GLIS3: variants seen among roughly 807,000 people sequenced by gnomAD.
GLIS3 encodes GLIS family zinc finger 3.
A neutral mutation model predicts 78.6 loss-of-function variants in GLIS3; 53 were observed. The observed-to-expected ratio is 0.67, with a 90% CI of 0.54 to 0.85. GLIS3 has a LOEUF of 0.85. Ranked by LOEUF, GLIS3 falls within the 40% of genes least tolerant of loss-of-function variation. GLIS3 has a pLI of 0.00. For synonymous variants in GLIS3, 684 were observed against 509.9 expected (o/e 1.34, Z -4.60); for missense variants, 1,703 against 1,231.1 (o/e 1.38, Z -5.74).
At chr9:4,456,660 C>A in the GLIS3 span, among the ~76,000 whole-genome samples, 1 of 152,160 alleles carries the variant, frequency 6.6e-6, no homozygotes, top group South Asian at 2.1e-4. Flanking sequence ...TCTTTTCCAG[C>A]TTTTAATTTA....
chr9:4,054,729 T>A (rs1297614840), intron 4 of GLIS3, among the ~76,000 whole-genome samples: 3 of 152,290 alleles, frequency 2.0e-5, no homozygotes, highest in Admixed American at 6.5e-5. Flanking sequence ...ACATTTTGAA[T>A]CCAGAGTGGA....
At chr9:4,378,697 T>A in the GLIS3 span, among the ~76,000 whole-genome samples, 1 of 152,270 alleles carries the variant, frequency 6.6e-6, no homozygotes, top group East Asian at 1.9e-4. Flanking sequence ...GAGAAGGAAA[T>A]CCTAAATCCA....
intron 2 of GLIS3, among the ~76,000 whole-genome samples, chr9:4,329,573 C>CT (rs1817653242): frequency 6.6e-6 from 1 of 152,128 alleles, no homozygotes; most frequent in Non-Finnish European, 1.5e-5. Flanking sequence ...TAAGAATGTG[C>CT]TACACACTGT....
chr9:4,275,678 A>T (rs1826918988), intron 2 of GLIS3, among the ~76,000 whole-genome samples: 1 of 151,962 alleles, frequency 6.6e-6, no homozygotes, highest in South Asian at 2.1e-4. Context: ...TGGGAGGATC[A>T]CTTGAGCCCA....
At chr9:4,033,858 G>A (rs139342211) in intron 4 of GLIS3, among the ~76,000 whole-genome samples, 170 of 57,448 alleles carry the variant, frequency 3.0e-3, no homozygotes, top group African/African-American at 0.011. Context: ...AAACATAGGC[G>A]AAGGATAAAA....
At chr9:4,360,025 A>C in the GLIS3 span, among the ~76,000 whole-genome samples, 20 of 141,056 alleles carry the variant, frequency 1.4e-4, no homozygotes, top group Admixed American at 1.4e-4. Context: ...CAGGATTTGC[A>C]AAAAAAAAAA....
chr9:4,154,956 T>C (rs1041674545), intron 2 of GLIS3, among the ~76,000 whole-genome samples: 2 of 152,202 alleles, frequency 1.3e-5, no homozygotes, highest in Non-Finnish European at 2.9e-5. Context: ...AAAAATTATA[T>C]TTTCAAAGAA....
chr9:4,234,847 T>A (rs546190313), intron 2 of GLIS3, among the ~76,000 whole-genome samples: 1 of 152,128 alleles, frequency 6.6e-6, no homozygotes, highest in African/African-American at 2.4e-5. Flanking sequence ...TTTCAGAAAA[T>A]AGGTTTATCT....
At chr9:4,090,207 T>C (rs1454936257) in intron 4 of GLIS3, among the ~76,000 whole-genome samples, 4 of 152,176 alleles carry the variant, frequency 2.6e-5, no homozygotes, top group Non-Finnish European at 4.4e-5. Flanking sequence ...AGGCCCACTG[T>C]CCTCATTATC....
intron 2 of GLIS3, among the ~76,000 whole-genome samples, chr9:4,313,734 G>T (rs1471714726): frequency 6.6e-6 from 1 of 152,144 alleles, no homozygotes; most frequent in African/African-American, 2.4e-5. Flanking sequence ...CCCACCTTAA[G>T]ATCAAGTTCC....
intron 2 of GLIS3, among the ~76,000 whole-genome samples, chr9:4,250,615 G>C (rs374898160): frequency 6.6e-6 from 1 of 152,078 alleles, no homozygotes. Context: ...ATCTCCTTCA[G>C]TTCTGCTCTG....
intron 2 of GLIS3, among the ~76,000 whole-genome samples, chr9:4,272,289 T>G (rs745485435): frequency 6.6e-6 from 1 of 152,160 alleles, no homozygotes; most frequent in South Asian, 2.1e-4. Flanking sequence ...AATAAACATA[T>G]GCCAGACACT....
At chr9:4,324,650 G>C (rs948989948) in intron 2 of GLIS3, among the ~76,000 whole-genome samples, 1 of 152,168 alleles carries the variant, frequency 6.6e-6, no homozygotes, top group African/African-American at 2.4e-5. Context: ...AGGTCAATCT[G>C]AACACATAGT....
intron 8 of GLIS3, among the ~76,000 whole-genome samples, chr9:3,866,901 C>T (rs76505248): frequency 0.013 from 2,026 of 152,204 alleles, 41 homozygotes; most frequent in African/African-American, 0.043. Flanking sequence ...GTAGGCAAGA[C>T]TTGATGTAGA....
chr9:4,440,505 T>C, the GLIS3 span, among the ~76,000 whole-genome samples: 2 of 152,238 alleles, frequency 1.3e-5, no homozygotes, highest in Non-Finnish European at 2.9e-5. Flanking sequence ...ATTGTGGATT[T>C]ATTTCTGGGC....
At chr9:3,905,013 C>T (rs1481437530) in intron 6 of GLIS3, among the ~76,000 whole-genome samples, 1 of 150,636 alleles carries the variant, frequency 6.6e-6, no homozygotes, top group African/African-American at 2.5e-5. Flanking sequence ...TGCTCTGTCT[C>T]CCAGGCCGGA....
At position 3,827,967 on chromosome 9, in the gene GLIS3, T is replaced by G. The variant is rs924012907; in HGVS notation, c.*305A>C. On this transcript the variant is annotated 3_prime_UTR_variant, in exon 11 of 11. Transcript: ENST00000381971. ...TCATATGCACATCATTTCACTGGGG[T>G]CCTTTAAGGGTTGACAGCCAGGAAG... The G allele has an allele frequency of 2.4e-6, 1 of 416,866 alleles. No individual in the cohort carries two copies. Among genetic ancestry groups the G allele is most frequent in the East Asian group, 5.1e-5 (1 of 19,640 alleles). The allele number at this position is 416,866 out of a possible 1,614,324, so 25.8% of individuals were successfully genotyped here.
chr9:3,829,290 G>C lies in GLIS3; in HGVS notation c.2656+20C>G, dbSNP rs1189721385. 2 of 1,611,846 alleles carry C rather than the reference G, an allele frequency of 1.2e-6. No homozygotes were observed. Among genetic ancestry groups the C allele is most frequent in the Non-Finnish European group, 1.7e-6 (2 of 1,178,152 alleles). ...CCTGTCAGTTGACAGGATTTTCTAA[G>C]TCACAGACAACCAACACACCTGTAA... On this transcript the variant is annotated intron_variant, in intron 10 of 10. Coordinates refer to ENST00000381971, the MANE Select transcript of GLIS3 (RefSeq NM_001042413.2).
In GLIS3 at chr9:4,118,067, G is replaced by A; in HGVS notation, c.1411C>T (p.Pro471Ser). The A allele has an allele frequency of 6.3e-7, 1 of 1,577,290 alleles. No homozygotes were observed. Among genetic ancestry groups the A allele is most frequent in the East Asian group, 2.2e-5 (1 of 44,516 alleles). ...TGCTGGGCGTGGGGCCCGAGCTCCG[G>A]GTGGTGAAGGTGCGCATGGGCATGG... Reference protein sequence around the residue: ...PYHAHAHLHHPELGPHAQQLA... With the variant: ...PYHAHAHLHHSELGPHAQQLA... Residue 471 changes from proline (P) to serine (S), a missense_variant, in exon 4 of 11, where the codon CCG (proline) becomes TCG (serine). Pro to Ser is a moderately conservative substitution (Grantham distance 74). Coordinates refer to ENST00000381971, the MANE Select transcript of GLIS3 (RefSeq NM_001042413.2). The surrounding 1 kb of genome is among the most constrained non-coding windows in gnomAD (Gnocchi z 4.7).
Sources: gnomAD v4.1 joint callset for allele counts (sites outside exome capture counted in the v4.1 genomes callset) on GRCh38, gnomAD v4.1.1 for gene constraint, Gnocchi (gnomAD v3.1) non-coding constraint, MANE v1.5 for transcripts, NCBI Gene and HGNC (gene_info 2026-07-23, HGNC 2026-07-21) for gene names.